The following GATAD1 variants were observed in gnomAD, a reference collection of about 807,000 sequenced individuals.
The protein encoded by GATAD1 is GATA zinc finger domain-containing protein 1.
GATAD1 carries 12 observed loss-of-function variants against 26.5 expected under a neutral mutation model. That is an observed-to-expected ratio of 0.45 (90% confidence interval 0.29 to 0.73). The LOEUF is 0.73. Among genes scored for constraint, GATAD1 ranks in the 30% least tolerant of loss-of-function variants. The pLI is 0.10. For missense variants in GATAD1, 266 were observed against 342.1 expected (o/e 0.78, Z 1.75); for synonymous variants, 129 against 133.1 (o/e 0.97, Z 0.21).
At chr7:92,448,327 CATT>C (rs1789260522) in intron 1 of GATAD1, among the ~76,000 whole-genome samples, 1 of 152,180 alleles carries the variant, frequency 6.6e-6, no homozygotes, top group African/African-American at 2.4e-5. Context: ...ATTATTATGT[CATT>C]ATTGTAAATG....
chr7:92,490,073 A>G, the GATAD1 span: 1 of 670,064 alleles, frequency 1.5e-6, no homozygotes, highest in East Asian at 2.7e-5. Flanking sequence ...AAAGTTGTTC[A>G]TCTTTTATAA....
At chr7:92,478,416 C>G in the GATAD1 span, among the ~76,000 whole-genome samples, 1 of 152,110 alleles carries the variant, frequency 6.6e-6, no homozygotes, top group Admixed American at 6.5e-5. Context: ...ATAGGATATA[C>G]CACAACGTCG....
chr7:92,471,506 G>A, the GATAD1 span: 9,924 of 152,278 alleles, frequency 0.065, 405 homozygotes, highest in Non-Finnish European at 0.087. Context: ...TAGCCGTCCC[G>A]AGGGGAGAAA....
chr7:92,448,897 T>C lies in GATAD1; in HGVS notation c.375+20T>C, dbSNP rs1789295004. On this transcript the variant is annotated intron_variant, in intron 2 of 4. Transcript: ENST00000287957. ...AAAAATGTAAGATATTTGTGGACAGTGCCTTTTACTGTAATGACGTTGTGT... is the reference window on the plus strand; with the variant it reads ...AAAAATGTAAGATATTTGTGGACAGCGCCTTTTACTGTAATGACGTTGTGT... 6.2e-7 allele frequency: 1 copy of C among 1,604,256 alleles called. No homozygotes were observed.
chr7:92,447,692 T>A lies in GATAD1; in HGVS notation c.-38T>A. On this transcript the variant is annotated 5_prime_UTR_variant, in exon 1 of 5. Transcript: ENST00000287957. ...GCCGGGCTACCGTCCGCCATTCCCG[T>A]GTCTCTGCGCCCGCGGGGGCCGCCC... 7.1e-7 allele frequency: 1 copy of A among 1,417,778 alleles called. No individual in the cohort carries two copies. The highest frequency in any genetic ancestry group is 9.2e-7 in the Non-Finnish European group (1 of 1,085,376). The allele number at this position is 1,417,778 out of a possible 1,614,324, so 87.8% of individuals were successfully genotyped here. A position where few individuals can be genotyped will look rare whatever the true frequency, so the allele number is the denominator to read the frequency against.
chr7:92,492,933 A>G, the GATAD1 span: 1 of 1,592,984 alleles, frequency 6.3e-7, no homozygotes, highest in Non-Finnish European at 8.6e-7. Flanking sequence ...ATGTCATAAC[A>G]ACTTCCTCAT....
chr7:92,448,934 C>G, intron 2 of GATAD1, 57 bp downstream of exon 2: 1 of 1,530,078 alleles, frequency 6.5e-7, no homozygotes, highest in Admixed American at 1.7e-5. Flanking sequence ...TATCCTGCCA[C>G]TGCCTTCATT....
At chr7:92,468,887 G>A in the GATAD1 span, 54 of 764,198 alleles carry the variant, frequency 7.1e-5, no homozygotes, top group Non-Finnish European at 8.9e-5. Context: ...AGGGGTCTGC[G>A]GTAGATCTTA....
Position 92,447,600 on chromosome 7 carries a change from G to C in GATAD1, c.-130G>C. On this transcript the variant is annotated 5_prime_UTR_variant, in exon 1 of 5. Coordinates refer to ENST00000287957, the MANE Select transcript of GATAD1 (RefSeq NM_021167.5). ...GCGCCAGCGGCCTGGTCCTTTCACC[G>C]GCAGCTCCGTGCCGACGCTCTCACC... 8.9e-6 allele frequency: 11 copies of C among 1,232,088 alleles called. No individual in the cohort carries two copies. Among genetic ancestry groups the C allele is most frequent in the Middle Eastern group, 3.1e-4 (1 of 3,214 alleles). 76.3% of individuals were successfully genotyped at this position (1,232,088 alleles called of 1,614,324 possible). A position where few individuals can be genotyped will look rare whatever the true frequency, so the allele number is the denominator to read the frequency against.
At chr7:92,461,163 G>T (rs528314272), downstream of GATAD1, among the ~76,000 whole-genome samples, 1 of 152,274 alleles carries the variant, frequency 6.6e-6, no homozygotes, top group East Asian at 1.9e-4. Context: ...AGCCACTCCT[G>T]GGCCAGGCGC....
At chr7:92,452,095 A>G (rs898783908) in intron 3 of GATAD1, among the ~76,000 whole-genome samples, 1 of 152,254 alleles carries the variant, frequency 6.6e-6, no homozygotes, top group Non-Finnish European at 1.5e-5. Flanking sequence ...CTCAATGAAT[A>G]GTAGGAGTTA....
chr7:92,478,438 C>G, the GATAD1 span, among the ~76,000 whole-genome samples: 28,994 of 152,004 alleles, frequency 0.19, 2,994 homozygotes, highest in East Asian at 0.32. Context: ...GAATAAGTGG[C>G]AGATGTTACA....
the GATAD1 span, chr7:92,474,934 T>C: frequency 2.6e-5 from 4 of 152,186 alleles, no homozygotes; most frequent in East Asian, 3.8e-4. Context: ...GTTTACCCTT[T>C]TGTCTATCTC....
chr7:92,454,222 G>A, intron 3 of GATAD1: 1 of 317,090 alleles, frequency 3.2e-6, no homozygotes, highest in East Asian at 8.0e-5. Flanking sequence ...TAAAAAGTGG[G>A]GATGGTATTA....
chr7:92,447,885 T>TG lies in GATAD1; in HGVS notation c.161dup (p.Ser55GlnfsTer31). ...CAGGCTCGGGGGCGGCTGGAGGGAC[T>TG]GGGGGCAGCGGCGGCGGCGGCTTCG... On this transcript the variant is annotated frameshift_variant, in exon 1 of 5. Coordinates refer to ENST00000287957, the MANE Select transcript of GATAD1 (RefSeq NM_021167.5). LOFTEE classifies it high-confidence loss of function. The TG allele has an allele frequency of 7.8e-7, 1 of 1,286,388 alleles. No individual in the cohort carries two copies. 79.7% of individuals were successfully genotyped at this position (1,286,388 alleles called of 1,614,324 possible).
chr7:92,493,896 G>A, the GATAD1 span: 1 of 251,830 alleles, frequency 4.0e-6, no homozygotes, highest in African/African-American at 2.3e-5. Flanking sequence ...CACAGGACAA[G>A]GAAGAGTTGA....
chr7:92,489,722 G>T, the GATAD1 span: 1 of 1,613,596 alleles, frequency 6.2e-7, no homozygotes, highest in Non-Finnish European at 8.5e-7. Flanking sequence ...ACTCCACTTT[G>T]GCTCCGGTAT....
At position 92,448,810 on chromosome 7, in the gene GATAD1, C is replaced by T. The variant is rs374329900; in HGVS notation, c.308C>T (p.Ala103Val). The change falls in exon 2 of 5, where the codon GCT becomes GTT. Residue 103 changes from alanine to valine, a missense_variant. Transcript: ENST00000287957. The part of the protein sequence containing the change: ...ARLRNTKYKS[A>V]PAAEKKVSTK... ...CTCAGAAACACTAAATACAAATCTG[C>T]TCCGGCTGCTGAAAAGAAAGTCTCC... 124 of 1,609,160 alleles carry T rather than the reference C, an allele frequency of 7.7e-5. 1 individual carries two copies. In the South Asian group the frequency reaches 8.2e-4, roughly 11 times the overall value.
At chr7:92,494,293 C>T in the GATAD1 span, 2 of 1,609,112 alleles carry the variant, frequency 1.2e-6, no homozygotes, top group South Asian at 1.1e-5. Context: ...AAATTGTCAC[C>T]TGATCAGGAG....
Sources: allele counts gnomAD v4.1 joint callset (sites outside exome capture counted in the v4.1 genomes callset), GRCh38; gene constraint gnomAD v4.1.1; transcripts MANE v1.5; gene names NCBI Gene and HGNC (gene_info 2026-07-23, HGNC 2026-07-21).